The following ARSG variants were observed in gnomAD, a reference collection of about 807,000 sequenced individuals.
The protein encoded by ARSG is arylsulfatase G.
A neutral mutation model predicts 50.5 loss-of-function variants in ARSG; 37 were observed. That is an observed-to-expected ratio of 0.73 (90% CI 0.56 to 0.96). ARSG has a LOEUF of 0.96. ARSG is among the 50% of genes least tolerant of loss of function. The pLI is 0.00. For missense variants in ARSG, 629 were observed against 675.3 expected, an observed-to-expected ratio of 0.93 and a Z score of 0.76; for synonymous variants, 225 against 254.6, an observed-to-expected ratio of 0.88 and a Z score of 1.11.
rs575053704 is a variant in ARSG, at chr17:68,358,477, T to C, written c.704+1673T>C. Among the ~76,000 whole-genome samples the C allele has an allele frequency of 7.9e-5, 12 of 151,190 alleles. 1 individual carries two copies. Among genetic ancestry groups the C allele is most frequent in the African/African-American group, 2.7e-4 (11 of 41,232 alleles). On this transcript the variant is annotated intron_variant, in intron 6 of 11. Transcript: ENST00000621439. ...GCCAAGGCAGGCAGATCACCTGAATTCAGGAGTTCGAAACCAGCCTGACCA... is the reference window on the plus strand; with the variant it reads ...GCCAAGGCAGGCAGATCACCTGAATCCAGGAGTTCGAAACCAGCCTGACCA...
At chr17:68,426,254 G>GGGGGGGGGGGGGGGA, downstream of ARSG, 2 of 816,924 alleles carry the variant, frequency 2.4e-6, 1 homozygote, top group Non-Finnish European at 3.9e-6. Flanking sequence ...GGGAGCGGGG[G>GGGGGGGGGGGGGGGA]CTCAAATAAA....
intron 1 of ARSG, among the ~76,000 whole-genome samples, chr17:68,265,712 G>A (rs76618267): frequency 1.5e-5 from 2 of 134,372 alleles, no homozygotes; most frequent in Non-Finnish European, 3.2e-5. Flanking sequence ...CCAGTCCACT[G>A]TTTTTTTTTT....
intron 8 of ARSG, among the ~76,000 whole-genome samples, chr17:68,371,212 C>A (rs2079824759): frequency 6.7e-6 from 1 of 148,202 alleles, no homozygotes; most frequent in African/African-American, 2.5e-5. Context: ...CCCAGCTACT[C>A]AGGAGGCTGA....
At position 68,367,725 on chromosome 17, in the gene ARSG, G is replaced by A. The variant is rs968872329; in HGVS notation, c.705-823G>A. On this transcript the variant is annotated intron_variant, in intron 6 of 11. Transcript: ENST00000621439. The surrounding 1 kb of genome is among the most constrained non-coding windows in gnomAD (Gnocchi z 4.5). ...TCTAGATGTTACCTGGTGGTCATAT[G>A]TGTCCTTGAAATTCCTGTGATCAAC... 8.5e-5 allele frequency among the ~76,000 whole-genome samples: 13 copies of A among 152,170 alleles called. No individual in the cohort carries two copies. The highest frequency in any genetic ancestry group is 1.6e-4 in the Non-Finnish European group (11 of 68,044).
the ARSG span, among the ~76,000 whole-genome samples, chr17:68,450,210 G>A: frequency 0.022 from 3,335 of 152,236 alleles, 106 homozygotes; most frequent in African/African-American, 0.075. Context: ...AAAGAAAAAT[G>A]AGAACCCAAG....
the ARSG span, among the ~76,000 whole-genome samples, chr17:68,439,747 C>G: frequency 1.3e-5 from 2 of 152,180 alleles, no homozygotes; most frequent in Non-Finnish European, 2.9e-5. Flanking sequence ...TACTGTGAAA[C>G]TCTGGCCGAG....
the ARSG span, chr17:68,444,553 G>T: frequency 6.2e-7 from 1 of 1,614,014 alleles, no homozygotes; most frequent in Non-Finnish European, 8.5e-7. Flanking sequence ...TTAATGTTGT[G>T]AATATAAATG....
At chr17:68,309,430 G>A (rs905042924) in intron 2 of ARSG, among the ~76,000 whole-genome samples, 10 of 152,258 alleles carry the variant, frequency 6.6e-5, no homozygotes, top group Middle Eastern at 3.2e-3. Flanking sequence ...CGCCGAGAGC[G>A]AGCGAGGGCT....
chr17:68,324,203 T>G (rs1056910813), intron 2 of ARSG, among the ~76,000 whole-genome samples: 1 of 152,062 alleles, frequency 6.6e-6, no homozygotes, highest in Non-Finnish European at 1.5e-5. Flanking sequence ...TAAGGCAAAC[T>G]TCAGATTCTG....
chr17:68,434,969 A>C, the ARSG span, among the ~76,000 whole-genome samples: 1 of 152,298 alleles, frequency 6.6e-6, no homozygotes, highest in African/African-American at 2.4e-5. Context: ...TGGGAGGCCA[A>C]GGCGGGTGGA....
chr17:68,387,235 C>T (rs1178390643), intron 9 of ARSG, among the ~76,000 whole-genome samples: 1 of 151,990 alleles, frequency 6.6e-6, no homozygotes, highest in Admixed American at 6.6e-5. Flanking sequence ...TTTGTGTAAT[C>T]CTCCCATCTC....
chr17:68,437,016 A>ATGTGTGTGTGTGTGTGTGTGTGTGTG, the ARSG span, among the ~76,000 whole-genome samples: 7 of 144,660 alleles, frequency 4.8e-5, no homozygotes, highest in East Asian at 8.0e-4. Context: ...ATATATATAT[A>ATGTGTGTGTGTGTGTGTGTGTGTGTG]TGTGTGTGTG....
chr17:68,377,851 C>T (rs1206050141), intron 8 of ARSG, among the ~76,000 whole-genome samples: 16 of 152,216 alleles, frequency 1.1e-4, no homozygotes. Flanking sequence ...CAAGGCCTTC[C>T]CAGTAACTCT....
intron 2 of ARSG, among the ~76,000 whole-genome samples, chr17:68,326,480 G>A (rs577950364): frequency 6.6e-6 from 1 of 152,176 alleles, no homozygotes; most frequent in Non-Finnish European, 1.5e-5. Context: ...GCCTGGCCAA[G>A]ATGGTGAAAC....
At chr17:68,410,475 A>C (rs1400982110) in intron 11 of ARSG, among the ~76,000 whole-genome samples, 1 of 150,822 alleles carries the variant, frequency 6.6e-6, no homozygotes, top group African/African-American at 2.4e-5. Flanking sequence ...GATGAAGCCC[A>C]CTTGATCATG....
At chr17:68,435,683 C>T in the ARSG span, 1 of 1,614,214 alleles carries the variant, frequency 6.2e-7, no homozygotes, top group Non-Finnish European at 8.5e-7. Flanking sequence ...CTAGTGTTCC[C>T]TCATGGGCAG....
intron 8 of ARSG, 91 bp from the exon 9 acceptor site, chr17:68,384,973 G>C: frequency 9.6e-7 from 1 of 1,040,622 alleles, no homozygotes; most frequent in Non-Finnish European, 1.5e-6. Flanking sequence ...TGGAAACTCA[G>C]AGAGGGGTTC....
chr17:68,336,152 G>T lies in ARSG; in HGVS notation c.219-7452G>T, dbSNP rs2078008729. Among the ~76,000 whole-genome samples, 3 of 151,750 alleles carry T rather than the reference G, an allele frequency of 2.0e-5. No individual in the cohort carries two copies. The South Asian group carries it at 6.2e-4, about 32-fold the overall frequency. ...GACCTCAGGTGATCTGCCTGCCTCGGCCTCCCAAAGTGCTGGGATTACAGG... is the reference window on the plus strand; with the variant it reads ...GACCTCAGGTGATCTGCCTGCCTCGTCCTCCCAAAGTGCTGGGATTACAGG... On this transcript the variant is annotated intron_variant, in intron 2 of 11. Coordinates refer to ENST00000621439, the MANE Select transcript of ARSG (RefSeq NM_001267727.2).
the ARSG span, among the ~76,000 whole-genome samples, chr17:68,445,737 C>T: frequency 0.082 from 12,516 of 152,270 alleles, 671 homozygotes; most frequent in South Asian, 0.19. Flanking sequence ...AGTACAAGGG[C>T]AGACATCGGT....
Sources: allele counts gnomAD v4.1 joint callset (sites outside exome capture counted in the v4.1 genomes callset), GRCh38; gene constraint gnomAD v4.1.1; non-coding constraint Gnocchi (gnomAD v3.1); transcripts MANE v1.5; gene names NCBI Gene and HGNC (gene_info 2026-07-23, HGNC 2026-07-21).